CPB2: variants seen among roughly 807,000 people sequenced by gnomAD.
CPB2 encodes carboxypeptidase B2, also known as carboxypeptidase B-like protein.
CPB2 carries 54 observed loss-of-function variants against 57.0 expected under a neutral mutation model. That is an observed-to-expected ratio of 0.95 (90% confidence interval 0.76 to 1.19). The LOEUF (loss-of-function observed/expected upper bound fraction) is 1.19, where lower values mean the gene tolerates loss of function less well. Among genes scored for constraint, CPB2 ranks in the 50% most tolerant of loss-of-function variants. The pLI is 0.00. For missense variants in CPB2, 426 were observed against 512.0 expected, an observed-to-expected ratio of 0.83 and a Z score of 1.62; for synonymous variants, 189 against 178.1, an observed-to-expected ratio of 1.06 and a Z score of -0.49.
At chr13:46,067,189 T>TA (rs34583549) in intron 7 of CPB2, 118 bp downstream of exon 7, 213,907 of 513,342 alleles carry the variant, frequency 0.42, 44,843 homozygotes, top group East Asian at 0.57. Context: ...CAATAAAAGT[T>TA]AAAAAAAATT....
chr13:46,083,505 TCTC>T (rs781284477), intron 3 of CPB2, among the ~76,000 whole-genome samples: 119 of 152,144 alleles, frequency 7.8e-4, no homozygotes, highest in African/African-American at 2.7e-3. Flanking sequence ...GAGAGCATGG[TCTC>T]AAGGGGCCAG....
intron 1 of CPB2, chr13:46,101,413 G>T (rs1483060329): frequency 6.6e-6 from 1 of 152,108 alleles, no homozygotes; most frequent in Non-Finnish European, 1.5e-5. Context: ...TTGGTTGGAG[G>T]TGACATTCTA....
chr13:46,064,597 C>T, intron 8 of CPB2, 51 bp downstream of exon 8: 1 of 1,430,494 alleles, frequency 7.0e-7, no homozygotes, highest in Non-Finnish European at 9.9e-7. Flanking sequence ...TCCCTGTGAA[C>T]ATCACCCTTT....
intron 8 of CPB2, among the ~76,000 whole-genome samples, chr13:46,061,228 C>T (rs1280377915): frequency 1.3e-5 from 2 of 152,104 alleles, no homozygotes; most frequent in Non-Finnish European, 2.9e-5. Context: ...TTTTAAAAAA[C>T]ACTATAGTCT....
chr13:46,062,208 C>T (rs1038480934), intron 8 of CPB2, among the ~76,000 whole-genome samples: 2 of 151,762 alleles, frequency 1.3e-5, no homozygotes, highest in African/African-American at 4.8e-5. Flanking sequence ...CTGACTTCAC[C>T]AAGAAAAATA....
At chr13:46,099,812 G>A (rs1256717160) in intron 1 of CPB2, 1 of 152,168 alleles carries the variant, frequency 6.6e-6, no homozygotes, top group Non-Finnish European at 1.5e-5. Context: ...ATCACCTGAG[G>A]TCAGGAGTTC....
rs1593880802 is a variant in CPB2 at position 46,058,314 on chromosome 13, T to C, written c.864A>G (p.Glu288=). Reference sequence around the variant, plus strand: ...TCAAGAAACTAGCCACTGCCTTCACTTCTGGTTCTGACTCAGGATAAAGTC... The same window carrying C: ...TCAAGAAACTAGCCACTGCCTTCACCTCTGGTTCTGACTCAGGATAAAGTC... ...YCGLYPESEP[E]VKAVASFLRR... is the part of the protein sequence containing the mutation. The change falls in exon 9 of 11, where the codon GAA becomes GAG. Residue 288 remains glutamate (E), a synonymous_variant. Transcript: ENST00000181383. The C allele has an allele frequency of 6.2e-7, 1 of 1,614,148 alleles. No individual in the cohort carries two copies. The highest frequency in any genetic ancestry group is 1.1e-5 in the South Asian group (1 of 91,084).
At position 46,053,724 on chromosome 13, in the gene CPB2, C is replaced by T; in HGVS notation, c.1162G>A (p.Asp388Asn). 15 of 1,614,142 alleles carry T rather than the reference C, an allele frequency of 9.3e-6. No individual in the cohort carries two copies. Among genetic ancestry groups the T allele is most frequent in the Non-Finnish European group, 1.3e-5 (15 of 1,180,018 alleles). Reference protein sequence around the residue: ...IKYSFTIELRDTGTYGFLLPE... With the variant: ...IKYSFTIELRNTGTYGFLLPE... ...AGCAAGAATCCGTATGTGCCCGTATCTCGAAGTTCAATTGTAAACGAATAT... is the reference window on the plus strand; with the variant it reads ...AGCAAGAATCCGTATGTGCCCGTATTTCGAAGTTCAATTGTAAACGAATAT... The change falls in exon 11 of 11, where the codon GAT becomes AAT. Residue 388 changes from aspartate to asparagine, a missense_variant. Coordinates refer to ENST00000181383, the MANE Select transcript of CPB2 (RefSeq NM_001872.5).
At chr13:46,071,728 C>T (rs1338851168) in intron 6 of CPB2, among the ~76,000 whole-genome samples, 3 of 152,172 alleles carry the variant, frequency 2.0e-5, no homozygotes, top group Non-Finnish European at 4.4e-5. Flanking sequence ...TGCTGATCTA[C>T]TCCACCAGGC....
intron 6 of CPB2, 28 bp from the exon 7 acceptor site, chr13:46,067,445 T>G: frequency 3.6e-6 from 4 of 1,100,610 alleles, no homozygotes; most frequent in Non-Finnish European, 5.5e-6. Flanking sequence ...TATATTTAAT[T>G]AGATGTTTTA....
At chr13:46,071,985 T>C (rs911774517) in intron 6 of CPB2, among the ~76,000 whole-genome samples, 11 of 152,226 alleles carry the variant, frequency 7.2e-5, no homozygotes, top group African/African-American at 2.7e-4. Flanking sequence ...CAAGTTGTGA[T>C]GGTTAACATA....
At chr13:46,104,640 T>C (rs1335889686) in intron 1 of CPB2, among the ~76,000 whole-genome samples, 2 of 152,218 alleles carry the variant, frequency 1.3e-5, no homozygotes, top group Admixed American at 1.3e-4. Context: ...AGAGTATAAA[T>C]AGTTACGTTT....
chr13:46,090,845 C>T lies in CPB2; in HGVS notation c.75-3025G>A, dbSNP rs537086262. 9.9e-5 allele frequency among the ~76,000 whole-genome samples: 15 copies of T among 151,976 alleles called. No individual in the cohort carries two copies. In the South Asian group the frequency reaches 3.1e-3, roughly 32 times the overall value. On this transcript the variant is annotated intron_variant, in intron 1 of 10. Transcript: ENST00000181383. Reference sequence around the variant, plus strand: ...TTCAAGCGATTTTCCTGCCTCAAGCCTCCTGAGTAGCTGGGATTACAGGTG... The same window carrying T: ...TTCAAGCGATTTTCCTGCCTCAAGCTTCCTGAGTAGCTGGGATTACAGGTG...
chr13:46,063,153 AC>A (rs1402424834), intron 8 of CPB2, among the ~76,000 whole-genome samples: 4 of 151,946 alleles, frequency 2.6e-5, no homozygotes, highest in Non-Finnish European at 5.9e-5. Flanking sequence ...ACTAACACCT[AC>A]CCCCCTAAAA....
chr13:46,097,629 A>G (rs1374618214), intron 1 of CPB2, among the ~76,000 whole-genome samples: 1 of 152,178 alleles, frequency 6.6e-6, no homozygotes, highest in Non-Finnish European at 1.5e-5. Flanking sequence ...CAGAATACCT[A>G]GTTGCTGCTA....
chr13:46,090,714 A>G (rs1390484057), intron 1 of CPB2, among the ~76,000 whole-genome samples: 1 of 130,652 alleles, frequency 7.7e-6, no homozygotes, highest in African/African-American at 2.9e-5. Flanking sequence ...TTATCCATAA[A>G]GATGTTGCAC....
intron 6 of CPB2, among the ~76,000 whole-genome samples, chr13:46,070,653 TA>T (rs964289157): frequency 2.0e-5 from 3 of 150,892 alleles, no homozygotes; most frequent in Non-Finnish European, 3.0e-5. Context: ...ATGGGGTTGC[TA>T]AAAAAAAATA....
At chr13:46,087,452 A>C (rs1245053610) in intron 2 of CPB2, among the ~76,000 whole-genome samples, 3 of 152,214 alleles carry the variant, frequency 2.0e-5, no homozygotes, top group Non-Finnish European at 4.4e-5. Context: ...TTGTTTCATG[A>C]GTAAGGTTTT....
intron 9 of CPB2, among the ~76,000 whole-genome samples, chr13:46,057,511 G>C (rs924634146): frequency 1.3e-5 from 2 of 152,156 alleles, no homozygotes; most frequent in African/African-American, 4.8e-5. Context: ...GAGCATCTGG[G>C]ATGAGGATTT....
Sources: allele counts gnomAD v4.1 joint callset (sites outside exome capture counted in the v4.1 genomes callset), GRCh38; gene constraint gnomAD v4.1.1; transcripts MANE v1.5; gene names NCBI Gene and HGNC (gene_info 2026-07-23, HGNC 2026-07-21).